EPB41L4A: variants seen among roughly 807,000 people sequenced by gnomAD.
EPB41L4A encodes erythrocyte membrane protein band 4.1 like 4A.
EPB41L4A carries 100 observed loss-of-function variants against 108.6 expected under a neutral mutation model. The ratio of observed to expected loss-of-function variants is 0.92; its 90% confidence interval spans 0.78 to 1.09. The LOEUF (loss-of-function observed/expected upper bound fraction) is 1.09. EPB41L4A is among the 50% of genes least tolerant of loss of function. The pLI, the probability that EPB41L4A is intolerant of heterozygous loss-of-function variation, is 0.00. For missense variants in EPB41L4A, 1,030 were observed against 842.7 expected, an observed-to-expected ratio of 1.22 and a Z score of -2.75; for synonymous variants, 319 against 289.0, an observed-to-expected ratio of 1.10 and a Z score of -1.05.
intron 12 of EPB41L4A, among the ~76,000 whole-genome samples, chr5:112,222,075 G>C (rs1580462755): frequency 6.6e-6 from 1 of 152,088 alleles, no homozygotes; most frequent in African/African-American, 2.4e-5. Context: ...CCTCTCTCTT[G>C]GCTAGGTAAG....
At position 112,250,031 on chromosome 5, in the gene EPB41L4A, A is replaced by T. The variant is rs188428338; in HGVS notation, c.795+9198T>A. Among the ~76,000 whole-genome samples the T allele has an allele frequency of 6.9e-3, 1,054 of 152,260 alleles. 3 individuals carry two copies. The highest frequency in any genetic ancestry group is 0.01 in the Middle Eastern group (3 of 294). On this transcript the variant is annotated intron_variant, in intron 9 of 22. Transcript: ENST00000261486. ...CATATAGATACACACACATTTTTTT[A>T]AAAAATTTTGAAACGTATGTAATAT...
intron 11 of EPB41L4A, among the ~76,000 whole-genome samples, chr5:112,238,849 G>A (rs922309472): frequency 6.6e-6 from 1 of 152,148 alleles, no homozygotes; most frequent in Non-Finnish European, 1.5e-5. Flanking sequence ...AGAATGAATT[G>A]AAACAAGACA....
intron 18 of EPB41L4A, chr5:112,175,164 A>G (rs1760798495): frequency 6.6e-6 from 1 of 152,266 alleles, no homozygotes; most frequent in South Asian, 2.1e-4. Context: ...AAAAATAGTA[A>G]GATATTATCA....
intron 12 of EPB41L4A, among the ~76,000 whole-genome samples, chr5:112,227,207 C>A (rs1748523478): frequency 6.6e-6 from 1 of 152,096 alleles, no homozygotes; most frequent in African/African-American, 2.4e-5. Flanking sequence ...GTGAGAGTGT[C>A]CAATTTCCTT....
intron 15 of EPB41L4A, among the ~76,000 whole-genome samples, chr5:112,199,171 A>C (rs188843426): frequency 1.3e-5 from 2 of 152,370 alleles, no homozygotes. Flanking sequence ...CATTTCCTGC[A>C]GTGAGATTCT....
At chr5:112,358,598 T>C (rs1489035117) in intron 1 of EPB41L4A, among the ~76,000 whole-genome samples, 1 of 152,200 alleles carries the variant, frequency 6.6e-6, no homozygotes, top group Non-Finnish European at 1.5e-5. Flanking sequence ...TTCTCACAGA[T>C]TGTTAGCTGG....
chr5:112,238,945 A>G (rs1243075252), intron 11 of EPB41L4A, among the ~76,000 whole-genome samples: 1 of 152,218 alleles, frequency 6.6e-6, no homozygotes, highest in East Asian at 1.9e-4. Flanking sequence ...CTGCATGACA[A>G]TCAGGCTTTT....
At chr5:112,392,870 C>T (rs1298054982) in intron 1 of EPB41L4A, 1 of 152,152 alleles carries the variant, frequency 6.6e-6, no homozygotes, top group African/African-American at 2.4e-5. Flanking sequence ...TGTAAAAGTA[C>T]AGAAATCACA....
intron 1 of EPB41L4A, among the ~76,000 whole-genome samples, chr5:112,321,092 A>C (rs755125371): frequency 1.3e-5 from 2 of 152,158 alleles, no homozygotes; most frequent in African/African-American, 2.4e-5. Context: ...GGAAATTCAT[A>C]ATTATGAGCC....
At chr5:112,161,163 C>A (rs892465674), downstream of EPB41L4A, 5 of 196,138 alleles carry the variant, frequency 2.5e-5, no homozygotes, top group South Asian at 4.0e-4. Flanking sequence ...TTATTTTCGT[C>A]AGTGAAAAGG....
At chr5:112,322,728 T>TCA (rs1295541367) in intron 1 of EPB41L4A, among the ~76,000 whole-genome samples, 6 of 136,950 alleles carry the variant, frequency 4.4e-5, no homozygotes, top group South Asian at 2.4e-4. Context: ...ACACACACAC[T>TCA]CACACACACA....
At position 112,209,217 on chromosome 5, in the gene EPB41L4A, A is replaced by G. The variant is rs544693311; in HGVS notation, c.1178+675T>C. ...GATGTATGGGGGGCAACCCCTATAG[A>G]GAAAGTGAGCTCATGAAAGCTGCTC... On this transcript the variant is annotated intron_variant, in intron 13 of 22. Coordinates refer to ENST00000261486, the MANE Select transcript of EPB41L4A (RefSeq NM_022140.5). 2.6e-5 allele frequency among the ~76,000 whole-genome samples: 4 copies of G among 152,368 alleles called. No homozygotes were observed. In the South Asian group the frequency reaches 8.3e-4, roughly 32 times the overall value.
At chr5:112,203,309 T>A (rs544985244) in intron 15 of EPB41L4A, among the ~76,000 whole-genome samples, 11 of 152,060 alleles carry the variant, frequency 7.2e-5, no homozygotes, top group African/African-American at 2.7e-4. Flanking sequence ...TGAGCCAAGA[T>A]CATGCCACTA....
At chr5:112,222,948 T>TG (rs1554080347) in intron 12 of EPB41L4A, among the ~76,000 whole-genome samples, 7 of 134,740 alleles carry the variant, frequency 5.2e-5, no homozygotes, top group Non-Finnish European at 1.0e-4. Flanking sequence ...ACTAGTTTTT[T>TG]TTTTTTTTTT....
At chr5:112,150,511 T>C (rs960520753) in intron 12 of EPB41L4A, among the ~76,000 whole-genome samples, 7 of 152,002 alleles carry the variant, frequency 4.6e-5, no homozygotes, top group Non-Finnish European at 8.8e-5. Flanking sequence ...CATTAAAAAC[T>C]CAGTATTAAC....
intron 9 of EPB41L4A, among the ~76,000 whole-genome samples, chr5:112,250,106 T>G (rs996375734): frequency 6.6e-6 from 1 of 152,152 alleles, no homozygotes; most frequent in African/African-American, 2.4e-5. Flanking sequence ...AGCTCAGCAA[T>G]TGAAGAATAA....
chr5:112,349,909 T>C (rs965369760), intron 1 of EPB41L4A, among the ~76,000 whole-genome samples: 1 of 152,198 alleles, frequency 6.6e-6, no homozygotes, highest in African/African-American at 2.4e-5. Context: ...TGGCCCAAAG[T>C]TAGGCCATGT....
At position 112,188,399 on chromosome 5, in the gene EPB41L4A, G is replaced by A. The variant is rs72796371; in HGVS notation, c.1503-4264C>T. Among the ~76,000 whole-genome samples the A allele has an allele frequency of 5.9e-3, 904 of 151,948 alleles. 8 individuals carry two copies. The highest frequency in any genetic ancestry group is 8.2e-3 in the Non-Finnish European group (560 of 67,986). On this transcript the variant is annotated intron_variant, in intron 17 of 22. Coordinates refer to ENST00000261486, the MANE Select transcript of EPB41L4A (RefSeq NM_022140.5). ...TGTCTCTTCCACTTATTCCTTACGT[G>A]CCCACTACTACAATGGGCTACCTCT...
At chr5:112,145,819 A>T (rs1023074378) in intron 13 of EPB41L4A, 6 of 424,770 alleles carry the variant, frequency 1.4e-5, no homozygotes, top group African/African-American at 1.2e-4. Context: ...ACATTCCTCC[A>T]TTTGATATCA....
Sources: gnomAD v4.1 joint callset for allele counts (sites outside exome capture counted in the v4.1 genomes callset) on GRCh38, gnomAD v4.1.1 for gene constraint, MANE v1.5 for transcripts, NCBI Gene and HGNC (gene_info 2026-07-23, HGNC 2026-07-21) for gene names.